Variants in STX18 observed in about 807,000 individuals in gnomAD.
STX18 encodes syntaxin-18.
Under a neutral mutation model 50.1 loss-of-function variants are expected in STX18, and 40 were observed. The ratio of observed to expected loss-of-function variants is 0.80; its 90% CI spans 0.62 to 1.04. The LOEUF (loss-of-function observed/expected upper bound fraction) is 1.04. STX18 is among the 50% of genes least tolerant of loss of function. The pLI is 0.00. For missense variants in STX18, 410 were observed against 415.8 expected (o/e 0.99, Z 0.12); for synonymous variants, 158 against 151.8 (o/e 1.04, Z -0.30).
intron 1 of STX18, among the ~76,000 whole-genome samples, chr4:4,531,750 A>G (rs1056672931): frequency 6.6e-6 from 1 of 152,198 alleles, no homozygotes; most frequent in African/African-American, 2.4e-5. Flanking sequence ...ACTCATCCAG[A>G]ACTGGTAATA....
At chr4:4,439,661 A>G (rs1481355553) in intron 5 of STX18, among the ~76,000 whole-genome samples, 1 of 151,606 alleles carries the variant, frequency 6.6e-6, no homozygotes, top group Non-Finnish European at 1.5e-5. Flanking sequence ...CCACACACGT[A>G]TATGTTCTAA....
intron 7 of STX18, among the ~76,000 whole-genome samples, chr4:4,434,395 A>C (rs1725673896): frequency 6.6e-6 from 1 of 152,342 alleles, no homozygotes; most frequent in South Asian, 2.1e-4. Flanking sequence ...TTCACTTTTC[A>C]GTCATTATCT....
chr4:4,506,892 A>C (rs1729733850), intron 1 of STX18, among the ~76,000 whole-genome samples: 1 of 152,216 alleles, frequency 6.6e-6, no homozygotes, highest in Non-Finnish European at 1.5e-5. Context: ...ACAGTTGACC[A>C]TGAGTAACTG....
chr4:4,451,540 T>C (rs1429962077), intron 5 of STX18, among the ~76,000 whole-genome samples: 1 of 152,266 alleles, frequency 6.6e-6, no homozygotes, highest in African/African-American at 2.4e-5. Context: ...TCCAACAGCA[T>C]GTTCTCACTT....
At chr4:4,495,765 A>T (rs193240774) in intron 1 of STX18, among the ~76,000 whole-genome samples, 7 of 152,284 alleles carry the variant, frequency 4.6e-5, no homozygotes, top group Admixed American at 2.0e-4. Flanking sequence ...CAGGAAAATG[A>T]TCTAATAAAA....
At chr4:4,478,236 A>C (rs182681998) in intron 1 of STX18, among the ~76,000 whole-genome samples, 202 of 138,926 alleles carry the variant, frequency 1.5e-3, no homozygotes, top group Non-Finnish European at 2.3e-3. Flanking sequence ...AAAAAAAAAA[A>C]CAAAAACGTT....
chr4:4,507,850 C>T, intron 1 of STX18: 3 of 636,058 alleles, frequency 4.7e-6, no homozygotes, highest in Admixed American at 2.9e-5. Flanking sequence ...TAAAAAGCGG[C>T]AGCTAGCTAG....
chr4:4,532,123 T>C (rs1042549349), intron 1 of STX18, among the ~76,000 whole-genome samples: 2 of 152,180 alleles, frequency 1.3e-5, no homozygotes, highest in Admixed American at 6.5e-5. Context: ...AACCCCTCTC[T>C]ACTCCCCCAA....
intron 1 of STX18, among the ~76,000 whole-genome samples, chr4:4,477,114 A>G (rs1245306496): frequency 6.6e-6 from 1 of 152,120 alleles, no homozygotes; most frequent in African/African-American, 2.4e-5. Context: ...GGTGACGCAC[A>G]TGCCTGTAAT....
intron 1 of STX18, among the ~76,000 whole-genome samples, chr4:4,533,037 T>C (rs1319992523): frequency 6.6e-6 from 1 of 152,212 alleles, no homozygotes; most frequent in Non-Finnish European, 1.5e-5. Flanking sequence ...TGGCAAACTT[T>C]AGTATTCATA....
At chr4:4,448,487 G>A (rs932877261) in intron 5 of STX18, among the ~76,000 whole-genome samples, 3 of 152,018 alleles carry the variant, frequency 2.0e-5, no homozygotes, top group Non-Finnish European at 2.9e-5. Context: ...AATTACAGGA[G>A]TGCACCACTA....
At position 4,542,017 on chromosome 4, in the gene STX18, G is replaced by C. The variant is rs111870082; in HGVS notation, c.-53C>G. 1.9e-5 allele frequency: 28 copies of C among 1,492,210 alleles called. No homozygotes were observed. Among genetic ancestry groups the C allele is most frequent in the Non-Finnish European group, 2.5e-5 (28 of 1,119,160 alleles). The allele number at this position is 1,492,210 out of a possible 1,614,324, so 92.4% of individuals were successfully genotyped here. A position where few individuals can be genotyped will look rare whatever the true frequency, so the allele number is the denominator to read the frequency against. ...AGGCCCGCCCACGTAAGCAGCCGGCGACCGCGGCGCGAACCCGGCCGCTGA... is the reference window on the plus strand; with the variant it reads ...AGGCCCGCCCACGTAAGCAGCCGGCCACCGCGGCGCGAACCCGGCCGCTGA... On this transcript the variant is annotated 5_prime_UTR_variant, in exon 1 of 11. Transcript: ENST00000306200.
chr4:4,472,564 G>T (rs2108837234), intron 1 of STX18, among the ~76,000 whole-genome samples: 1 of 152,314 alleles, frequency 6.6e-6, no homozygotes. Context: ...AAGTTTTTCT[G>T]TCAAGGCCAA....
chr4:4,441,941 G>C (rs1726128302), intron 5 of STX18, among the ~76,000 whole-genome samples: 1 of 152,196 alleles, frequency 6.6e-6, no homozygotes, highest in Non-Finnish European at 1.5e-5. Flanking sequence ...AGCAAGTATG[G>C]TAAAATGTAA....
At chr4:4,502,501 A>G (rs1452502082) in intron 1 of STX18, among the ~76,000 whole-genome samples, 1 of 152,202 alleles carries the variant, frequency 6.6e-6, no homozygotes, top group Non-Finnish European at 1.5e-5. Flanking sequence ...TATCTTTTCA[A>G]ATGAAACTGA....
chr4:4,531,520 C>T (rs1161902759), intron 1 of STX18, among the ~76,000 whole-genome samples: 1 of 152,202 alleles, frequency 6.6e-6, no homozygotes, highest in Non-Finnish European at 1.5e-5. Flanking sequence ...TAATGTTATA[C>T]AATGGCTCTC....
chr4:4,498,386 C>T (rs907212277), intron 1 of STX18, among the ~76,000 whole-genome samples: 3 of 152,064 alleles, frequency 2.0e-5, no homozygotes, highest in Admixed American at 1.3e-4. Flanking sequence ...GAAAGGTGTC[C>T]CTATTAGACT....
At chr4:4,541,499 G>A (rs1416576028) in intron 1 of STX18, among the ~76,000 whole-genome samples, 2 of 152,204 alleles carry the variant, frequency 1.3e-5, no homozygotes, top group Non-Finnish European at 2.9e-5. Context: ...GCGAACTCAT[G>A]ACCTCACAAA....
intron 2 of STX18, 123 bp downstream of exon 2, chr4:4,471,516 A>G: frequency 1.7e-6 from 1 of 600,796 alleles, no homozygotes; most frequent in East Asian, 3.1e-5. Context: ...CCACTGCCAA[A>G]CTGGTCTTCC....
Sources: allele counts gnomAD v4.1 joint callset (sites outside exome capture counted in the v4.1 genomes callset), GRCh38; gene constraint gnomAD v4.1.1; transcripts MANE v1.5; gene names NCBI Gene and HGNC (gene_info 2026-07-23, HGNC 2026-07-21).